The following SEZ6L variants were observed in gnomAD, a reference collection of about 807,000 sequenced individuals.
SEZ6L encodes the protein seizure 6-like protein.
In SEZ6L, 37 loss-of-function variants were observed where a neutral mutation model predicts 106.2. The observed-to-expected ratio is 0.35, with a 90% CI of 0.27 to 0.46. The LOEUF (loss-of-function observed/expected upper bound fraction) is 0.46. SEZ6L is among the 20% of genes least tolerant of loss of function. The probability of loss-of-function intolerance (pLI) is 1.00; values close to 1 mark genes in which losing one functional copy is unlikely to be tolerated. For missense variants in SEZ6L, 1,172 were observed against 1,332.8 expected (o/e 0.88, Z 1.88); for synonymous variants, 541 against 570.4 (o/e 0.95, Z 0.73).
rs765550301 is a variant in SEZ6L, at chr22:26,292,817, A to T, written c.506A>T (p.Asp169Val). 5 of 1,613,802 alleles carry T rather than the reference A, an allele frequency of 3.1e-6. No homozygotes were observed. In the African/African-American group the frequency reaches 6.7e-5, roughly 22 times the overall value. The change falls in exon 2 of 17, where the codon GAC (aspartate) becomes GTC (valine). Residue 169 changes from aspartate (D) to valine (V), a missense_variant. Transcript: ENST00000248933. ...SSTEKPGPPGDPDPIVASEEA... is the reference protein window; with the variant it reads ...SSTEKPGPPGVPDPIVASEEA... ...ACGGAGAAGCCTGGCCCACCGGGGG[A>T]CCCGGACCCCATCGTGGCCTCCGAG...
At chr22:26,181,803 A>G (rs1030150717) in intron 1 of SEZ6L, among the ~76,000 whole-genome samples, 1 of 152,222 alleles carries the variant, frequency 6.6e-6, no homozygotes, top group African/African-American at 2.4e-5. Flanking sequence ...AACATATTAT[A>G]TCATTATCAT....
At chr22:26,228,625 T>C (rs2145739570) in intron 1 of SEZ6L, among the ~76,000 whole-genome samples, 1 of 152,328 alleles carries the variant, frequency 6.6e-6, no homozygotes. Flanking sequence ...ATAGCAGAGA[T>C]GATGGTGGAT....
At chr22:26,200,816 A>G (rs1940890523) in intron 1 of SEZ6L, among the ~76,000 whole-genome samples, 1 of 151,974 alleles carries the variant, frequency 6.6e-6, no homozygotes, top group South Asian at 2.1e-4. Context: ...TAACATATCT[A>G]ACCTCACTCC....
intron 1 of SEZ6L, among the ~76,000 whole-genome samples, chr22:26,207,298 T>TG (rs553828384): frequency 2.3e-4 from 35 of 152,204 alleles, no homozygotes; most frequent in Non-Finnish European, 4.9e-4. Flanking sequence ...TGCTGTAAAA[T>TG]GATTGTAAGC....
rs1202658148 is a variant in SEZ6L at position 26,292,613 on chromosome 22, C to A, written c.302C>A (p.Pro101Gln). 2 of 1,613,176 alleles carry A rather than the reference C, an allele frequency of 1.2e-6. No homozygotes were observed. The highest frequency in any genetic ancestry group is 8.5e-7 in the Non-Finnish European group (1 of 1,179,670). Residue 101 changes from proline to glutamine, a missense_variant, in exon 2 of 17, where the codon CCG becomes CAG. Physicochemically the swap from Pro to Gln is moderately conservative, Grantham distance 76. Around this residue, in one of 4 missense-constraint regions of SEZ6L, gnomAD observed 494 missense variants for 445.8 expected, o/e 1.11. Coordinates refer to ENST00000248933, the MANE Select transcript of SEZ6L (RefSeq NM_021115.5). ...CATCACGACATCCCAGCCCTGTCAC[C>A]GCTGCTTCCAGAGGAGGCCCGCCCC... ...SAHHDIPALS[P>Q]LLPEEARPKH...
At chr22:26,192,171 T>A (rs576551496) in intron 1 of SEZ6L, among the ~76,000 whole-genome samples, 2 of 152,190 alleles carry the variant, frequency 1.3e-5, no homozygotes. Context: ...TGCATCCTTT[T>A]ATCTGTCCAC....
At chr22:26,370,662 T>C (rs892845665) in intron 13 of SEZ6L, among the ~76,000 whole-genome samples, 2 of 150,988 alleles carry the variant, frequency 1.3e-5, no homozygotes, top group Non-Finnish European at 3.0e-5. Context: ...TAGACATATT[T>C]GGAAAGAGAG....
intron 1 of SEZ6L, among the ~76,000 whole-genome samples, chr22:26,289,823 T>C (rs767036915): frequency 2.6e-4 from 40 of 152,252 alleles, no homozygotes; most frequent in Middle Eastern, 3.4e-3. Context: ...TGTAGCTGAG[T>C]GAGTGTCTCC....
intron 10 of SEZ6L, among the ~76,000 whole-genome samples, chr22:26,342,867 TGA>T (rs2082886397): frequency 1.3e-5 from 2 of 152,190 alleles, no homozygotes; most frequent in South Asian, 4.1e-4. Flanking sequence ...GCTACCCCCT[TGA>T]CCATGGGCTG....
chr22:26,208,706 C>A (rs1217839969), intron 1 of SEZ6L, among the ~76,000 whole-genome samples: 2 of 151,966 alleles, frequency 1.3e-5, no homozygotes, highest in Non-Finnish European at 2.9e-5. Context: ...TCATAGTTTT[C>A]TTCATATTTA....
rs5752289 is a variant in SEZ6L at position 26,243,928 on chromosome 22, C to T, written c.95-48478C>T. Reference sequence around the variant, plus strand: ...CGGTAATCCCAGCACTTTGGGAGGCCGAGGTGGATAGATCACTTGAGCTCA... The same window carrying T: ...CGGTAATCCCAGCACTTTGGGAGGCTGAGGTGGATAGATCACTTGAGCTCA... On this transcript the variant is annotated intron_variant, in intron 1 of 16. Coordinates refer to ENST00000248933, the MANE Select transcript of SEZ6L (RefSeq NM_021115.5). Among the ~76,000 whole-genome samples, 845 of 152,054 alleles carry T rather than the reference C, an allele frequency of 5.6e-3. 36 individuals carry two copies. In the East Asian group the frequency reaches 0.096, roughly 17 times the overall value.
chr22:26,282,257 T>C (rs1438143672), intron 1 of SEZ6L, among the ~76,000 whole-genome samples: 1 of 152,250 alleles, frequency 6.6e-6, no homozygotes, highest in African/African-American at 2.4e-5. Flanking sequence ...ATCACGTAAC[T>C]AGTCCCCTAT....
intron 10 of SEZ6L, among the ~76,000 whole-genome samples, chr22:26,343,640 A>T (rs2082915735): frequency 6.6e-6 from 1 of 152,224 alleles, no homozygotes; most frequent in Admixed American, 6.5e-5. Context: ...TACCCTTAAG[A>T]CATTAGTGGA....
intron 4 of SEZ6L, 49 bp from the exon 5 acceptor site, chr22:26,298,935 A>T: frequency 6.7e-7 from 1 of 1,494,640 alleles, no homozygotes; most frequent in Admixed American, 2.1e-5. Context: ...CAGGTTCTTG[A>T]TCTGCCACTC....
chr22:26,227,830 G>A (rs1366094724), intron 1 of SEZ6L, among the ~76,000 whole-genome samples: 1 of 152,214 alleles, frequency 6.6e-6, no homozygotes, highest in African/African-American at 2.4e-5. Context: ...AGGGAAGCCT[G>A]CAGAGTGGCC....
chr22:26,266,727 T>C (rs1266402423), intron 1 of SEZ6L, among the ~76,000 whole-genome samples: 1 of 152,106 alleles, frequency 6.6e-6, no homozygotes, highest in Non-Finnish European at 1.5e-5. Context: ...CAAGTCTGAC[T>C]TTCTTTCTAG....
At chr22:26,212,156 G>A (rs1224123201) in intron 1 of SEZ6L, among the ~76,000 whole-genome samples, 1 of 152,178 alleles carries the variant, frequency 6.6e-6, no homozygotes, top group Non-Finnish European at 1.5e-5. Flanking sequence ...GGAATTAGAA[G>A]CGGGTCAATG....
chr22:26,302,463 A>G (rs968543288), intron 5 of SEZ6L, among the ~76,000 whole-genome samples: 3 of 152,162 alleles, frequency 2.0e-5, no homozygotes, highest in African/African-American at 7.2e-5. Context: ...TTGCCCTGCC[A>G]CCTACTATGT....
rs1288478192 is a variant in SEZ6L at position 26,194,868 on chromosome 22, A to C, written c.94+25105A>C. Reference sequence around the variant, plus strand: ...TAAAGATCTTACTTAAGTGTTCAGCATATCCTAAGTGCCCAGCAAATGGTG... The same window carrying C: ...TAAAGATCTTACTTAAGTGTTCAGCCTATCCTAAGTGCCCAGCAAATGGTG... On this transcript the variant is annotated intron_variant, in intron 1 of 16. Coordinates refer to ENST00000248933, the MANE Select transcript of SEZ6L (RefSeq NM_021115.5). 2.6e-5 allele frequency among the ~76,000 whole-genome samples: 4 copies of C among 152,250 alleles called. No homozygotes were observed. In the East Asian group the frequency reaches 7.7e-4, roughly 29 times the overall value.
Sources: gnomAD v4.1 joint callset for allele counts (sites outside exome capture counted in the v4.1 genomes callset) on GRCh38, gnomAD v4.1.1 for gene constraint, gnomAD v4.1.1 regional missense constraint, MANE v1.5 for transcripts, NCBI Gene and HGNC (gene_info 2026-07-23, HGNC 2026-07-21) for gene names.